STS: variants seen among roughly 807,000 people sequenced by gnomAD.
STS encodes steroid sulfatase.
In STS, 7 loss-of-function variants were observed where a neutral mutation model predicts 26.8. The ratio of observed to expected loss-of-function variants is 0.26; its 90% CI spans 0.15 to 0.49. The LOEUF (loss-of-function observed/expected upper bound fraction) is 0.49, where lower values mean the gene tolerates loss of function less well. STS is among the 20% of genes least tolerant of loss of function. STS has a pLI of 0.98. For synonymous variants in STS, 199 were observed against 189.4 expected (o/e 1.05, Z -0.42); for missense variants, 434 against 465.6 (o/e 0.93, Z 0.63).
intron 6 of STS, among the ~76,000 whole-genome samples, chrX:7,274,060 T>G (rs1046160425): frequency 9.0e-6 from 1 of 111,287 alleles, no homozygotes; most frequent in Non-Finnish European, 1.9e-5. Context: ...GTGCAGAGCA[T>G]TGAGCTGTGA....
At chrX:7,306,626 G>A (rs757016596) in intron 8 of STS, among the ~76,000 whole-genome samples, 43 of 111,551 alleles carry the variant, frequency 3.9e-4, no homozygotes, top group Non-Finnish European at 7.3e-4. Flanking sequence ...AGTACAATTT[G>A]ACAAGGGCGC....
chrX:7,293,334 A>G (rs760945707), intron 7 of STS, among the ~76,000 whole-genome samples: 1 of 112,048 alleles, frequency 8.9e-6, no homozygotes, highest in East Asian at 2.8e-4. Flanking sequence ...AAGTATGATT[A>G]AAGACAAGGC....
chrX:7,216,465 C>T (rs1252899910), intron 2 of STS, among the ~76,000 whole-genome samples: 1 of 112,338 alleles, frequency 8.9e-6, no homozygotes, highest in African/African-American at 3.2e-5. Flanking sequence ...AGAGGGAAAA[C>T]ACTCTAGGTC....
chrX:7,331,174 G>A (rs1336988202), intron 9 of STS, among the ~76,000 whole-genome samples: 2 of 111,732 alleles, frequency 1.8e-5, no homozygotes, highest in Non-Finnish European at 3.8e-5. Flanking sequence ...AGCTGAGAGA[G>A]AGCACAGCAC....
At chrX:7,237,226 A>G (rs1922360447) in intron 2 of STS, among the ~76,000 whole-genome samples, 1 of 110,248 alleles carries the variant, frequency 9.1e-6, no homozygotes, top group Admixed American at 9.7e-5. Flanking sequence ...AAAAAAAAAA[A>G]AAGACAAGTT....
At chrX:7,322,974 C>G (rs1225292203) in intron 8 of STS, among the ~76,000 whole-genome samples, 3 of 112,016 alleles carry the variant, frequency 2.7e-5, no homozygotes, top group African/African-American at 9.7e-5. Flanking sequence ...GTTTCCTCAA[C>G]TCTCCTGGTT....
chrX:7,245,146 A>G (rs1216939166), intron 2 of STS, among the ~76,000 whole-genome samples: 1 of 111,195 alleles, frequency 9.0e-6, no homozygotes, highest in Non-Finnish European at 1.9e-5. Flanking sequence ...GGTATTAGTT[A>G]TGGATTTGTA....
intron 8 of STS, among the ~76,000 whole-genome samples, chrX:7,324,656 C>G (rs780614903): frequency 9.0e-6 from 1 of 111,401 alleles, no homozygotes; most frequent in African/African-American, 3.3e-5. Context: ...TCAGTTGTAC[C>G]TGAATTCCAA....
rs58375124 is a variant in STS at position 7,288,639 on chromosome X, C to CGTGTGT, written c.943+12591_943+12596dup. On this transcript the variant is annotated intron_variant, in intron 7 of 10. Transcript: ENST00000674429. ...TTTCATCTGTGGAGGAAATTCTGTA[C>CGTGTGT]GTGTGTGTGTGTGTGTGTGTGTGTG... 2.8e-3 allele frequency among the ~76,000 whole-genome samples: 250 copies of CGTGTGT among 89,584 alleles called. 2 individuals are homozygous for CGTGTGT. Among genetic ancestry groups the CGTGTGT allele is most frequent in the Admixed American group, 5.8e-3 (46 of 7,955 alleles). The allele number at this position is 89,584 out of a possible 115,157, so 77.8% of individuals were successfully genotyped here.
chrX:7,333,110 CAA>C (rs781383840), intron 9 of STS, among the ~76,000 whole-genome samples: 21 of 112,193 alleles, frequency 1.9e-4, no homozygotes, highest in African/African-American at 4.8e-4. Context: ...CGCCTTGTAA[CAA>C]GAGATGGCAG....
chrX:7,191,826 C>T (rs184206069), intron 2 of STS, among the ~76,000 whole-genome samples: 1,387 of 112,085 alleles, frequency 0.012, 71 homozygotes, highest in Admixed American at 0.12. Context: ...AGAGCTCCTC[C>T]CCCTGGTGGA....
At chrX:7,292,006 T>C (rs1925441421) in intron 7 of STS, among the ~76,000 whole-genome samples, 2 of 112,342 alleles carry the variant, frequency 1.8e-5, no homozygotes, top group African/African-American at 6.5e-5. Context: ...TACCATACTT[T>C]AGGAAGAAAA....
At chrX:7,152,947 C>T (rs145312116) in intron 1 of STS, among the ~76,000 whole-genome samples, 2 of 112,055 alleles carry the variant, frequency 1.8e-5, no homozygotes, top group Non-Finnish European at 3.8e-5. Flanking sequence ...TCGTAATATC[C>T]GTAATGTTAG....
chrX:7,231,271 A>G, intron 2 of STS, among the ~76,000 whole-genome samples: 1 of 112,429 alleles, frequency 8.9e-6, no homozygotes, highest in South Asian at 3.7e-4. Flanking sequence ...TACACCTGAC[A>G]GTTGTACAAC....
chrX:7,243,277 G>A (rs1477227382), intron 2 of STS, among the ~76,000 whole-genome samples: 1 of 111,888 alleles, frequency 8.9e-6, no homozygotes, highest in Non-Finnish European at 1.9e-5. Context: ...TCCTGCAGCT[G>A]GTCTTGAACT....
intron 2 of STS, among the ~76,000 whole-genome samples, chrX:7,221,323 G>A (rs779380099): frequency 8.9e-6 from 1 of 112,195 alleles, no homozygotes; most frequent in African/African-American, 3.2e-5. Flanking sequence ...TCTGATAGTC[G>A]ATTCATACAA....
intron 2 of STS, among the ~76,000 whole-genome samples, chrX:7,194,653 AC>A (rs1933938609): frequency 8.9e-6 from 1 of 111,936 alleles, no homozygotes; most frequent in Non-Finnish European, 1.9e-5. Context: ...GACCTGGCCT[AC>A]CCAGAAATGA....
intron 2 of STS, among the ~76,000 whole-genome samples, chrX:7,209,397 G>A (rs1022728540): frequency 1.9e-4 from 20 of 103,784 alleles, no homozygotes; most frequent in Non-Finnish European, 3.5e-4. Flanking sequence ...GCATATATAT[G>A]TATTTATAGA....
At chrX:7,329,985 G>T (rs1927669163) in intron 9 of STS, among the ~76,000 whole-genome samples, 1 of 111,750 alleles carries the variant, frequency 8.9e-6, no homozygotes, top group African/African-American at 3.3e-5. Flanking sequence ...CCTATGATGT[G>T]CTTACGTGAG....
Sources: allele counts gnomAD v4.1 joint callset (sites outside exome capture counted in the v4.1 genomes callset), GRCh38; gene constraint gnomAD v4.1.1; transcripts MANE v1.5; gene names NCBI Gene and HGNC (gene_info 2026-07-23, HGNC 2026-07-21).